The following ANTXR1 variants were observed in gnomAD, a reference collection of about 807,000 sequenced individuals.
The protein encoded by ANTXR1 is anthrax toxin receptor 1.
Under a neutral mutation model 78.1 loss-of-function variants are expected in ANTXR1, and 19 were observed. The observed-to-expected ratio is 0.24, with a 90% confidence interval of 0.17 to 0.36. ANTXR1 has a LOEUF of 0.36. Among genes scored for constraint, ANTXR1 ranks in the 10% least tolerant of loss-of-function variants. The pLI is 1.00. For missense variants in ANTXR1, 518 were observed against 718.6 expected (o/e 0.72, Z 3.19); for synonymous variants, 273 against 260.5 (o/e 1.05, Z -0.46).
intron 16 of ANTXR1, among the ~76,000 whole-genome samples, chr2:69,185,491 G>A (rs888552273): frequency 6.6e-6 from 1 of 150,978 alleles, no homozygotes. Context: ...AGTGAGCTGA[G>A]ACTGTGCCAT....
intron 6 of ANTXR1, among the ~76,000 whole-genome samples, chr2:69,074,661 G>A (rs2104222427): frequency 6.6e-6 from 1 of 152,208 alleles, no homozygotes; most frequent in Admixed American, 6.5e-5. Context: ...AAAGCAGCAG[G>A]GAAATTTCTA....
At chr2:69,212,953 C>T (rs1244466479) in intron 17 of ANTXR1, among the ~76,000 whole-genome samples, 1 of 140,464 alleles carries the variant, frequency 7.1e-6, no homozygotes, top group Non-Finnish European at 1.5e-5. Flanking sequence ...ACTACATGTG[C>T]ACATCACCTT....
At chr2:69,217,367 T>C (rs1199419822) in intron 17 of ANTXR1, among the ~76,000 whole-genome samples, 1 of 152,212 alleles carries the variant, frequency 6.6e-6, no homozygotes, top group African/African-American at 2.4e-5. Context: ...AAGTGCACAA[T>C]GTGAATCTGA....
intron 13 of ANTXR1, among the ~76,000 whole-genome samples, chr2:69,161,399 G>A (rs574015871): frequency 2.6e-5 from 4 of 152,170 alleles, no homozygotes; most frequent in African/African-American, 7.2e-5. Context: ...AAATTGGAGG[G>A]AAAAAAAGTT....
intron 1 of ANTXR1, 25 bp from the exon 2 acceptor site, chr2:69,040,019 G>A (rs182453565): frequency 5.0e-6 from 8 of 1,605,908 alleles, no homozygotes; most frequent in Middle Eastern, 1.7e-4. Flanking sequence ...CCTGAGTCAC[G>A]CAACACCTGC....
intron 8 of ANTXR1, among the ~76,000 whole-genome samples, chr2:69,083,536 C>A (rs1388360140): frequency 2.0e-5 from 3 of 152,180 alleles, no homozygotes; most frequent in Non-Finnish European, 4.4e-5. Flanking sequence ...TGGATCTGTT[C>A]CATGCCTCTG....
At chr2:69,078,012 G>C (rs1343187223) in intron 8 of ANTXR1, among the ~76,000 whole-genome samples, 1 of 152,166 alleles carries the variant, frequency 6.6e-6, no homozygotes, top group Non-Finnish European at 1.5e-5. Flanking sequence ...TTTTAATGTT[G>C]AGACCCACTG....
intron 13 of ANTXR1, among the ~76,000 whole-genome samples, chr2:69,166,053 A>C (rs9677506): frequency 1.3e-5 from 2 of 152,060 alleles, no homozygotes; most frequent in African/African-American, 4.8e-5. Context: ...GAGAACACGC[A>C]ATCTTTCTAC....
At chr2:69,077,738 C>T (rs1466669361) in intron 8 of ANTXR1, among the ~76,000 whole-genome samples, 1 of 152,228 alleles carries the variant, frequency 6.6e-6, no homozygotes, top group Non-Finnish European at 1.5e-5. Flanking sequence ...AGCCAGGCTT[C>T]AGGAGGCCCT....
intron 8 of ANTXR1, among the ~76,000 whole-genome samples, chr2:69,085,585 T>C (rs1472817459): frequency 6.6e-6 from 1 of 152,216 alleles, no homozygotes; most frequent in Non-Finnish European, 1.5e-5. Flanking sequence ...TTCATTTATT[T>C]ATCCAATATT....
intron 11 of ANTXR1, 37 bp from the exon 12 acceptor site, chr2:69,124,527 GC>G: frequency 6.3e-7 from 1 of 1,589,624 alleles, no homozygotes; most frequent in Non-Finnish European, 8.6e-7. Context: ...CTCATTGCAC[GC>G]CCTGCTGAGA....
At chr2:69,124,832 T>C (rs1343230346) in intron 12 of ANTXR1, among the ~76,000 whole-genome samples, 189 bp downstream of exon 12, 1 of 152,156 alleles carries the variant, frequency 6.6e-6, no homozygotes, top group Non-Finnish European at 1.5e-5. Flanking sequence ...CCCCAGAGTG[T>C]ATCAGGCATG....
rs1240181276 is a variant in ANTXR1, at chr2:69,071,886, TATG to T, written c.412+102_412+104del. The T allele has an allele frequency of 7.3e-5, 79 of 1,082,704 alleles. No individual in the cohort carries two copies. The African/African-American group carries it at 1.1e-3, about 15-fold the overall frequency. The allele number at this position is 1,082,704 out of a possible 1,614,324, so 67.1% of individuals were successfully genotyped here. ...GTCATTTCATGTTTCAAAAGACATG[TATG>T]ATATTATCTGTAATTCTTAGACACA... is the stretch of plus-strand genomic sequence containing the variant. On this transcript the variant is annotated intron_variant, in intron 5 of 17. Transcript: ENST00000303714.
intron 12 of ANTXR1, among the ~76,000 whole-genome samples, chr2:69,150,873 A>C (rs1460961725): frequency 6.6e-6 from 1 of 151,982 alleles, no homozygotes; most frequent in Non-Finnish European, 1.5e-5. Context: ...AAAAAAAAAT[A>C]ATTAGCCAGG....
chr2:69,164,097 G>T (rs551398379), intron 13 of ANTXR1, among the ~76,000 whole-genome samples: 1 of 152,310 alleles, frequency 6.6e-6, no homozygotes, highest in South Asian at 2.1e-4. Context: ...AGTCTTCTTA[G>T]AAATGAATTT....
Position 69,061,206 on chromosome 2 carries a change from C to T in ANTXR1, c.297-9441C>T, listed in dbSNP as rs563665526. ...TCAACCTTCAGAACCATCCCTCCTT[C>T]CCACTAGAGTTTGAAAATTACCCCT... On this transcript the variant is annotated intron_variant, in intron 3 of 17. Coordinates refer to ENST00000303714, the MANE Select transcript of ANTXR1 (RefSeq NM_032208.3). 3.3e-5 allele frequency among the ~76,000 whole-genome samples: 5 copies of T among 152,282 alleles called. No individual in the cohort carries two copies. In the South Asian group the frequency reaches 1.0e-3, roughly 32 times the overall value.
At chr2:69,191,245 CAA>C (rs1674537018) in intron 16 of ANTXR1, among the ~76,000 whole-genome samples, 1 of 152,116 alleles carries the variant, frequency 6.6e-6, no homozygotes, top group East Asian at 1.9e-4. Flanking sequence ...CTTGGCAAGA[CAA>C]AGTTTAACCC....
chr2:69,113,296 C>T (rs550345049), intron 10 of ANTXR1, among the ~76,000 whole-genome samples: 3 of 152,242 alleles, frequency 2.0e-5, no homozygotes, highest in African/African-American at 7.2e-5. Flanking sequence ...TGCCCTTCCC[C>T]ATGCAATACT....
In ANTXR1 at chr2:69,014,375, C is replaced by A. The variant is rs570641877; in HGVS notation, c.152+724C>A. On this transcript the variant is annotated intron_variant, in intron 1 of 17. Coordinates refer to ENST00000303714, the MANE Select transcript of ANTXR1 (RefSeq NM_032208.3). Reference sequence around the variant, plus strand: ...CAACTAAAAATGCCTCCAGACATTGCCAAATGTCCCTCCCCTTCGACTTGA... The same window carrying A: ...CAACTAAAAATGCCTCCAGACATTGACAAATGTCCCTCCCCTTCGACTTGA... 2.6e-5 allele frequency among the ~76,000 whole-genome samples: 4 copies of A among 151,548 alleles called. No homozygotes were observed. In the South Asian group the frequency reaches 8.3e-4, roughly 31 times the overall value.
Sources: gnomAD v4.1 joint callset for allele counts (sites outside exome capture counted in the v4.1 genomes callset) on GRCh38, gnomAD v4.1.1 for gene constraint, MANE v1.5 for transcripts, NCBI Gene and HGNC (gene_info 2026-07-23, HGNC 2026-07-21) for gene names.